The following ZNG1E variants were observed in gnomAD, a reference collection of about 807,000 sequenced individuals.
ZNG1E encodes the protein zinc-regulated GTPase metalloprotein activator 1E.
chr9:65,714,486 G>A, the ZNG1E span, among the ~76,000 whole-genome samples: 6 of 151,350 alleles, frequency 4.0e-5, no homozygotes, highest in Admixed American at 2.6e-4. Flanking sequence ...CAGGTTTTCT[G>A]CTCTGTTTTT....
At chr9:65,660,828 G>GATATATATATATATATAT in the ZNG1E span, among the ~76,000 whole-genome samples, 3 of 130,324 alleles carry the variant, frequency 2.3e-5, no homozygotes, top group Non-Finnish European at 4.8e-5. Context: ...TGGTTATACA[G>GATATATATATATATATAT]ATATATATAT....
At chr9:65,699,550 ATATT>A in the ZNG1E span, among the ~76,000 whole-genome samples, 4 of 45,558 alleles carry the variant, frequency 8.8e-5, no homozygotes, top group Admixed American at 3.2e-4. Context: ...AATATACAGT[ATATT>A]TATAGTGATA....
the ZNG1E span, among the ~76,000 whole-genome samples, chr9:65,687,989 C>T: frequency 6.6e-6 from 1 of 151,016 alleles, no homozygotes; most frequent in Non-Finnish European, 1.5e-5. Context: ...ATTAGATCCT[C>T]TACTTCATGA....
At chr9:65,665,128 C>T in the ZNG1E span, among the ~76,000 whole-genome samples, 41 of 152,378 alleles carry the variant, frequency 2.7e-4, no homozygotes, top group East Asian at 2.7e-3. Flanking sequence ...TTCAAGCTGG[C>T]TGCAGAAATT....
the ZNG1E span, among the ~76,000 whole-genome samples, chr9:65,661,873 T>A: frequency 2.0e-5 from 3 of 152,266 alleles, no homozygotes; most frequent in East Asian, 3.8e-4. Flanking sequence ...ACTCATTGAG[T>A]TGTACACTTA....
chr9:65,693,746 A>T, the ZNG1E span, among the ~76,000 whole-genome samples: 1 of 151,702 alleles, frequency 6.6e-6, no homozygotes, highest in Non-Finnish European at 1.5e-5. Flanking sequence ...TAGTAGAGAC[A>T]GGATTTTACC....
the ZNG1E span, among the ~76,000 whole-genome samples, chr9:65,684,660 G>A: frequency 4.6e-5 from 7 of 151,840 alleles, no homozygotes; most frequent in African/African-American, 1.7e-4. Flanking sequence ...GGCAGCCTCA[G>A]CCTCAGCTGG....
At chr9:65,710,792 G>T in the ZNG1E span, among the ~76,000 whole-genome samples, 2 of 148,880 alleles carry the variant, frequency 1.3e-5, no homozygotes, top group Non-Finnish European at 3.0e-5. Flanking sequence ...GTAGTGTGAT[G>T]CCTCCAGCTT....
chr9:65,665,461 C>G, the ZNG1E span, among the ~76,000 whole-genome samples: 1 of 152,268 alleles, frequency 6.6e-6, no homozygotes, highest in Non-Finnish European at 1.5e-5. Context: ...GTTTGGGAAA[C>G]TCCGCCTAGA....
the ZNG1E span, among the ~76,000 whole-genome samples, chr9:65,721,126 A>G: frequency 6.8e-6 from 1 of 147,150 alleles, no homozygotes; most frequent in South Asian, 2.1e-4. Context: ...TACCATGAAC[A>G]TTTGGAGCAG....
the ZNG1E span, among the ~76,000 whole-genome samples, chr9:65,710,591 G>A: frequency 1.3e-5 from 2 of 152,214 alleles, no homozygotes; most frequent in East Asian, 1.9e-4. Context: ...AGTTTTCCCA[G>A]AACCATTTAT....
the ZNG1E span, among the ~76,000 whole-genome samples, chr9:65,685,015 C>G: frequency 6.9e-6 from 1 of 145,836 alleles, no homozygotes; most frequent in African/African-American, 2.6e-5. Context: ...GCACTCCAGC[C>G]TGGATGACAG....
chr9:65,714,090 CTTCATTTCA>C, the ZNG1E span, among the ~76,000 whole-genome samples: 1 of 149,540 alleles, frequency 6.7e-6, no homozygotes, highest in South Asian at 2.1e-4. Flanking sequence ...TCCCTTCTTG[CTTCATTTCA>C]TTCATTTCAT....
chr9:65,677,160 C>T, the ZNG1E span: 1 of 1,547,212 alleles, frequency 6.5e-7, no homozygotes, highest in Non-Finnish European at 8.7e-7. Flanking sequence ...AGAAGATGAA[C>T]AAATTTCTTG....
At chr9:65,697,745 A>G in the ZNG1E span, among the ~76,000 whole-genome samples, 654 of 50,904 alleles carry the variant, frequency 0.013, no homozygotes, top group African/African-American at 0.048. Flanking sequence ...TATGAGGGGG[A>G]AAAAAAAAAA....
chr9:65,709,250 A>T, the ZNG1E span, among the ~76,000 whole-genome samples: 1 of 148,400 alleles, frequency 6.7e-6, no homozygotes, highest in East Asian at 1.9e-4. Context: ...GAGAAAATGC[A>T]TGAAATACAT....
the ZNG1E span, among the ~76,000 whole-genome samples, chr9:65,680,591 TG>T: frequency 6.6e-6 from 1 of 152,230 alleles, no homozygotes; most frequent in Non-Finnish European, 1.5e-5. Flanking sequence ...ATAAAAAATA[TG>T]TAAGTGTAAA....
At chr9:65,693,792 A>C in the ZNG1E span, among the ~76,000 whole-genome samples, 1 of 151,872 alleles carries the variant, frequency 6.6e-6, no homozygotes, top group South Asian at 2.1e-4. Context: ...CCTGACCTCA[A>C]GTGATCCACT....
chr9:65,667,547 C>T, the ZNG1E span, among the ~76,000 whole-genome samples: 1 of 152,198 alleles, frequency 6.6e-6, no homozygotes, highest in Non-Finnish European at 1.5e-5. Flanking sequence ...CAAGCTATGG[C>T]TAATCAACAT....
Sources: allele counts gnomAD v4.1 joint callset (sites outside exome capture counted in the v4.1 genomes callset), GRCh38; gene constraint gnomAD v4.1.1; transcripts MANE v1.5; gene names NCBI Gene and HGNC (gene_info 2026-07-23, HGNC 2026-07-21).